The following FHOD1 variants were observed in gnomAD, a reference collection of about 807,000 sequenced individuals.
FHOD1 encodes the protein formin homology 2 domain containing 1.
In FHOD1, 89 loss-of-function variants were observed where a neutral mutation model predicts 111.6. The ratio of observed to expected loss-of-function variants is 0.80; its 90% CI spans 0.67 to 0.95. The LOEUF is 0.95. Among genes scored for constraint, FHOD1 ranks in the 40% least tolerant of loss-of-function variants. The probability of loss-of-function intolerance (pLI) is 0.00; values close to 1 mark genes in which losing one functional copy is unlikely to be tolerated. For synonymous variants in FHOD1, 618 were observed against 639.0 expected (o/e 0.97, Z 0.50); for missense variants, 1,446 against 1,554.2 (o/e 0.93, Z 1.17).
In FHOD1 at chr16:67,247,308, G is replaced by C. The variant is rs199924523; in HGVS notation, c.103C>G (p.Pro35Ala). Residue 35 changes from proline (P) to alanine (A), a missense_variant, in exon 1 of 22, where the codon CCG (proline) becomes GCG (alanine). Pro to Ala is a conservative substitution (Grantham distance 27). Transcript: ENST00000258201. ...CAGGTGGGGGCCCGGCGCGGCTCCG[G>C]AAAGTTGGCACATGCGAAGGGGTCG... ...DTDPFACANF[P>A]EPRRAPTCSL... 3.2e-5 allele frequency: 51 copies of C among 1,613,488 alleles called. No individual in the cohort carries two copies. In the East Asian group the frequency reaches 1.1e-3, roughly 35 times the overall value.
At chr16:67,235,620 T>C (rs942031490) in intron 11 of FHOD1, among the ~76,000 whole-genome samples, 15 of 152,068 alleles carry the variant, frequency 9.9e-5, no homozygotes, top group African/African-American at 3.4e-4. Flanking sequence ...GTGTTTCTTT[T>C]CTGGCCCCTC....
intron 13 of FHOD1, among the ~76,000 whole-genome samples, chr16:67,233,275 G>A (rs116844083): frequency 0.032 from 4,928 of 152,002 alleles, 91 homozygotes; most frequent in Non-Finnish European, 0.037. Flanking sequence ...TAGTAGAGAC[G>A]GGGTTTTGCT....
Position 67,232,132 on chromosome 16 carries a change from G to A in FHOD1, c.2109C>T (p.Ile703=). 6.2e-7 allele frequency: 1 copy of A among 1,614,206 alleles called. No individual in the cohort carries two copies. The highest frequency in any genetic ancestry group is 8.5e-7 in the Non-Finnish European group (1 of 1,180,028). Residue 703 remains isoleucine, a synonymous_variant, in exon 14 of 22, where the codon ATC becomes ATT. Coordinates refer to ENST00000258201, the MANE Select transcript of FHOD1 (RefSeq NM_013241.3). The part of the protein sequence containing the change: ...TVLDPKRSNA[I]NIGLTTLPPV... ...GTGGCAGTGTGGTTAGGCCGATGTT[G>A]ATGGCGTTGCTGCGCTTGGGGTCCA...
At chr16:67,236,443 A>G (rs2034478668) in intron 11 of FHOD1, 114 bp downstream of exon 11, 1 of 1,512,954 alleles carries the variant, frequency 6.6e-7, no homozygotes, top group African/African-American at 1.4e-5. Flanking sequence ...GTCTGGAAAG[A>G]GAGAGAGAGA....
rs2034154560 is a variant in FHOD1, at chr16:67,229,445, T to C, written c.*191A>G. On this transcript the variant is annotated 3_prime_UTR_variant, in exon 22 of 22. Coordinates refer to ENST00000258201, the MANE Select transcript of FHOD1 (RefSeq NM_013241.3). ...CGTGCGTTCAAGGAGCTCACACACA[T>C]GCACATGCATATGCATGCACACACA... 1 of 620,080 alleles carries C rather than the reference T, an allele frequency of 1.6e-6. No homozygotes were observed. Among genetic ancestry groups the C allele is most frequent in the Non-Finnish European group, 2.9e-6 (1 of 344,780 alleles). The allele number at this position is 620,080 out of a possible 1,614,324, so 38.4% of individuals were successfully genotyped here.
chr16:67,233,907 G>C lies in FHOD1; in HGVS notation c.1796C>G (p.Pro599Arg). 6.3e-7 allele frequency: 1 copy of C among 1,589,744 alleles called. No individual in the cohort carries two copies. The highest frequency in any genetic ancestry group is 8.6e-7 in the Non-Finnish European group (1 of 1,168,456). Residue 599 changes from proline (P) to arginine (R), a missense_variant, in exon 13 of 22, where the codon CCA becomes CGA. Around this residue, in one of 3 missense-constraint regions of FHOD1, gnomAD observed 1,085 missense variants for 1,108.8 expected, o/e 0.98. Transcript: ENST00000258201. The stretch of plus-strand genomic sequence containing the variant: ...AGCCAGAGGTAGAGGTGGAGGTGGT[G>C]GGAAGGGGCCTTTGATGGGTGGGGG... Reference protein sequence around the residue: ...PPPPPIKGPFPPPPPLPLAAP... With the variant: ...PPPPPIKGPFRPPPPLPLAAP...
Position 67,236,840 on chromosome 16 carries a change from G to A in FHOD1, c.1143-107C>T, listed in dbSNP as rs2034500038. On this transcript the variant is annotated intron_variant, in intron 10 of 21. Transcript: ENST00000258201. ...GAGGTGGGGCATGTCGGTAGGGCAG[G>A]CCCAGTGGAGGAGGTGGGGGCTGTC... 1.1e-5 allele frequency: 14 copies of A among 1,227,748 alleles called. No homozygotes were observed. The South Asian group carries it at 2.0e-4, about 18-fold the overall frequency. The allele number at this position is 1,227,748 out of a possible 1,614,324, so 76.1% of individuals were successfully genotyped here. A position where few individuals can be genotyped will look rare whatever the true frequency, so the allele number is the denominator to read the frequency against.
rs376778624 is a variant in FHOD1 at position 67,229,692 on chromosome 16, C to T, written c.3439G>A (p.Gly1147Arg). 1.2e-5 allele frequency: 20 copies of T among 1,614,068 alleles called. No homozygotes were observed. Among genetic ancestry groups the T allele is most frequent in the Non-Finnish European group, 1.5e-5 (18 of 1,180,042 alleles). Residue 1147 changes from glycine to arginine, a missense_variant, in exon 22 of 22, where the codon GGA (glycine) becomes AGA (arginine). Gly to Arg is a moderately radical substitution (Grantham distance 125). Coordinates refer to ENST00000258201, the MANE Select transcript of FHOD1 (RefSeq NM_013241.3). ...SLRRTLKSGL[G>R]DDLVQALGLS... is the part of the protein sequence containing the mutation. ...CCCAGTGCCTGCACCAGGTCATCTC[C>T]GAGCCCACTCTTCAACGTCCTTCTC...
chr16:67,229,996 GAAGGCCAGATAGCA>G lies in FHOD1; in HGVS notation c.3215-20_3215-7del. ...GGAGCTGCTCTGGACCATGCCTGAG[GAAGGCCAGATAGCA>G]AAGTCAGGCCAAGGTGGCACTGGAG... is the stretch of plus-strand genomic sequence containing the variant. On this transcript the variant is annotated splice_region_variant and splice_polypyrimidine_tract_variant and intron_variant, in intron 20 of 21. Coordinates refer to ENST00000258201, the MANE Select transcript of FHOD1 (RefSeq NM_013241.3). 6.2e-7 allele frequency: 1 copy of G among 1,613,576 alleles called. No individual in the cohort carries two copies. Among genetic ancestry groups the G allele is most frequent in the Non-Finnish European group, 8.5e-7 (1 of 1,179,506 alleles).
chr16:67,235,449 G>C (rs1286974443), intron 11 of FHOD1, among the ~76,000 whole-genome samples: 1 of 150,654 alleles, frequency 6.6e-6, no homozygotes, highest in East Asian at 2.0e-4. Context: ...AGAATTGCTT[G>C]AACCTGGGAG....
chr16:67,240,078 G>A (rs1386858187), intron 1 of FHOD1, among the ~76,000 whole-genome samples: 1 of 152,182 alleles, frequency 6.6e-6, no homozygotes, highest in Non-Finnish European at 1.5e-5. Flanking sequence ...GTGTCTGTGT[G>A]TGTGTGTGTC....
Position 67,238,399 on chromosome 16 carries a change from G to C in FHOD1, c.422C>G (p.Ser141Ter). ...SGPELRRSLF[S>*]LKQIFQEDKD... ...CCTCACCTGGAAGATCTGCTTCAGT[G>C]AGAAGAGGGAGCGGCGGAGCTCAGG... is the stretch of plus-strand genomic sequence containing the variant. Residue 141 changes from serine (S) to a stop codon, truncating the protein, a stop_gained, in exon 4 of 22, where the codon TCA (serine) becomes TGA (stop). Coordinates refer to ENST00000258201, the MANE Select transcript of FHOD1 (RefSeq NM_013241.3). LOFTEE classifies it high-confidence loss of function. The surrounding 1 kb of genome is among the most constrained non-coding windows in gnomAD (Gnocchi z 4.2). 3 of 1,614,150 alleles carry C rather than the reference G, an allele frequency of 1.9e-6. No individual in the cohort carries two copies. The highest frequency in any genetic ancestry group is 2.5e-6 in the Non-Finnish European group (3 of 1,180,030).
At chr16:67,236,037 GGGGA>G (rs1414789854) in intron 11 of FHOD1, 2 of 984,614 alleles carry the variant, frequency 2.0e-6, no homozygotes, top group African/African-American at 3.5e-5. Context: ...CTGCCCAGGA[GGGGA>G]CTGGGGGACG....
chr16:67,232,318 C>A (rs964603535), intron 13 of FHOD1, 124 bp from the exon 14 acceptor site: 4 of 851,818 alleles, frequency 4.7e-6, no homozygotes, highest in Non-Finnish European at 7.3e-6. Context: ...GAGATCGAGA[C>A]CATCCTGGCT....
intron 11 of FHOD1, among the ~76,000 whole-genome samples, chr16:67,235,865 C>T (rs190654489): frequency 3.3e-5 from 5 of 152,346 alleles, no homozygotes; most frequent in Non-Finnish European, 7.3e-5. Context: ...AGTGCTTAGC[C>T]TTTGGGTTAC....
intron 17 of FHOD1, 30 bp from the exon 18 acceptor site, chr16:67,230,821 C>T (rs1232945414): frequency 1.9e-6 from 3 of 1,545,000 alleles, no homozygotes; most frequent in South Asian, 1.2e-5. Flanking sequence ...CACATACTGT[C>T]CCCCCACACC....
chr16:67,231,743 G>A lies in FHOD1; in HGVS notation c.2279C>T (p.Pro760Leu). 3 of 1,614,012 alleles carry A rather than the reference G, an allele frequency of 1.9e-6. No homozygotes were observed. Among genetic ancestry groups the A allele is most frequent in the African/African-American group, 1.3e-5 (1 of 74,984 alleles). ...EEAQLANPDI[P>L]LGPAENFLMT... ...CAGGAAGTTCTCGGCTGGGCCCAGG[G>A]GTATGTCAGGGTTGGCCAGCTGGGC... is the stretch of plus-strand genomic sequence containing the variant. The change falls in exon 15 of 22, where the codon CCC becomes CTC. Residue 760 changes from proline (P) to leucine (L), a missense_variant. By Grantham distance (98) the Pro-to-Leu change is moderately conservative. Transcript: ENST00000258201. This position sits in a 1 kb window ranked among gnomAD's most constrained non-coding sequence, Gnocchi z 4.3.
In FHOD1 at chr16:67,237,282, G is replaced by A. The variant is rs1434780234; in HGVS notation, c.950C>T (p.Ala317Val). The A allele has an allele frequency of 5.6e-6, 9 of 1,613,878 alleles. No homozygotes were observed. Among genetic ancestry groups the A allele is most frequent in the Non-Finnish European group, 7.6e-6 (9 of 1,180,018 alleles). The change falls in exon 9 of 22, where the codon GCG becomes GTG. Residue 317 changes from alanine (A) to valine (V), a missense_variant. Ala to Val is a moderately conservative substitution (Grantham distance 64). Transcript: ENST00000258201. This position sits in a 1 kb window ranked among gnomAD's most constrained non-coding sequence, Gnocchi z 5.6. ...CGTGCGCAGGTCGACGTCAGTGCCC[G>A]CAGTGCCCAGGTGGCGCTGGACCAG... ...EALVQRHLGT[A>V]GTDVDLRTQL... is the part of the protein sequence containing the mutation.
At chr16:67,247,071 G>A in intron 1 of FHOD1, 139 bp downstream of exon 1, 3 of 981,568 alleles carry the variant, frequency 3.1e-6, no homozygotes, top group Non-Finnish European at 4.3e-6. Context: ...GGGGCAGAGT[G>A]GACCCTGGGA....
Sources: gnomAD v4.1 joint callset for allele counts (sites outside exome capture counted in the v4.1 genomes callset) on GRCh38, gnomAD v4.1.1 for gene constraint, gnomAD v4.1.1 regional missense constraint, Gnocchi (gnomAD v3.1) non-coding constraint, MANE v1.5 for transcripts, NCBI Gene and HGNC (gene_info 2026-07-23, HGNC 2026-07-21) for gene names.